Variants in ASB15 observed in about 807,000 individuals in gnomAD.
The protein encoded by ASB15 is ankyrin repeat and SOCS box protein 15.
A neutral mutation model predicts 58.0 loss-of-function variants in ASB15; 54 were observed. The ratio of observed to expected loss-of-function variants is 0.93; its 90% CI spans 0.75 to 1.17. ASB15 has a LOEUF of 1.17. Among genes scored for constraint, ASB15 ranks in the 50% most tolerant of loss-of-function variants. ASB15 has a pLI of 0.00. For missense variants in ASB15, 680 were observed against 707.4 expected, an observed-to-expected ratio of 0.96 and a Z score of 0.44; for synonymous variants, 249 against 262.4, an observed-to-expected ratio of 0.95 and a Z score of 0.50.
At chr7:123,607,961 A>T (rs996583513) in intron 2 of ASB15, among the ~76,000 whole-genome samples, 6 of 152,180 alleles carry the variant, frequency 3.9e-5, no homozygotes, top group Non-Finnish European at 5.9e-5. Context: ...TGAGTTTGTG[A>T]GTCTAAAGCT....
chr7:123,604,828 T>G (rs979655362), intron 2 of ASB15, among the ~76,000 whole-genome samples: 1 of 152,078 alleles, frequency 6.6e-6, no homozygotes, highest in Admixed American at 6.6e-5. Flanking sequence ...ACTAAAACTT[T>G]CAAAAAGTAC....
At chr7:123,621,132 G>C (rs914679073) in intron 7 of ASB15, among the ~76,000 whole-genome samples, 2 of 152,192 alleles carry the variant, frequency 1.3e-5, no homozygotes, top group East Asian at 1.9e-4. Flanking sequence ...GCCTACAACA[G>C]AGCAGTAAAC....
At chr7:123,633,805 T>C (rs1247383617) in intron 11 of ASB15, among the ~76,000 whole-genome samples, 4 of 152,146 alleles carry the variant, frequency 2.6e-5, no homozygotes, top group African/African-American at 9.7e-5. Flanking sequence ...AAATGGATGA[T>C]TGTATCTGGG....
At position 123,578,342 on chromosome 7, in the gene ASB15, T is replaced by C. The variant is rs1236942058; in HGVS notation, c.-443+11254T>C. Among the ~76,000 whole-genome samples the C allele has an allele frequency of 6.6e-5, 10 of 151,954 alleles. No homozygotes were observed. In the East Asian group the frequency reaches 1.4e-3, roughly 21 times the overall value. On this transcript the variant is annotated intron_variant, in intron 1 of 13. Coordinates refer to the ASB15 transcript ENST00000451558. ...AAATTACCAGCAGTATTCCTGTGAC[T>C]AGAACTCTGTTTTTTAGCCTCTAGG...
chr7:123,632,947 G>A (rs1416887925), intron 11 of ASB15, among the ~76,000 whole-genome samples: 5 of 152,138 alleles, frequency 3.3e-5, no homozygotes, highest in Non-Finnish European at 7.3e-5. Flanking sequence ...AAAAGACAAT[G>A]GAGTAACATA....
chr7:123,575,818 T>TTC (rs1584723697), intron 1 of ASB15, among the ~76,000 whole-genome samples: 1 of 148,534 alleles, frequency 6.7e-6, no homozygotes, highest in East Asian at 2.0e-4. Context: ...GAAGTTTTCT[T>TTC]TTTTTTTTTT....
chr7:123,620,552 ATATTTT>A (rs1801239599), intron 7 of ASB15, among the ~76,000 whole-genome samples: 1 of 15,386 alleles, frequency 6.5e-5, no homozygotes, highest in Non-Finnish European at 1.1e-4. Context: ...ATATATATAT[ATATTTT>A]TTTTTTTTTT....
rs533002954 is a variant in ASB15, at chr7:123,630,113, A to G, written c.1588A>G (p.Ile530Val). The stretch of plus-strand genomic sequence containing the variant: ...GAGAGAATGGCCAGAAATCCGCCAA[A>G]TACTAGGTAAAAACCAAAAGTTTTG... ...VQREWPEIRQILENPCSLKHL... is the reference protein window; with the variant it reads ...VQREWPEIRQVLENPCSLKHL... The change falls in exon 11 of 12, where the codon ATA becomes GTA. Residue 530 changes from isoleucine to valine, a missense_variant. Physicochemically the swap from Ile to Val is conservative, Grantham distance 29 (BLOSUM62 3). Transcript: ENST00000451215. The G allele has an allele frequency of 3.2e-6, 5 of 1,579,618 alleles. No homozygotes were observed. The highest frequency in any genetic ancestry group is 4.5e-5 in the East Asian group (2 of 44,418).
chr7:123,614,766 A>C (rs561108936), intron 4 of ASB15, among the ~76,000 whole-genome samples, 157 bp downstream of exon 4: 1 of 152,350 alleles, frequency 6.6e-6, no homozygotes, highest in South Asian at 2.1e-4. Flanking sequence ...ACTGTTCATA[A>C]GTTTTAGCAA....
intron 1 of ASB15, among the ~76,000 whole-genome samples, chr7:123,593,063 GTTTGT>G (rs1199317139): frequency 6.6e-6 from 1 of 151,850 alleles, no homozygotes; most frequent in Non-Finnish European, 1.5e-5. Flanking sequence ...TTGGTTTAAA[GTTTGT>G]TTTATCAGAG....
At chr7:123,607,063 A>T (rs1456376179) in intron 2 of ASB15, among the ~76,000 whole-genome samples, 2 of 152,216 alleles carry the variant, frequency 1.3e-5, no homozygotes, top group Non-Finnish European at 2.9e-5. Context: ...CCCAAAAAAG[A>T]TAAACTATGT....
chr7:123,588,519 T>C (rs540906915), intron 1 of ASB15, among the ~76,000 whole-genome samples: 104 of 151,690 alleles, frequency 6.9e-4, no homozygotes, highest in Middle Eastern at 3.4e-3. Flanking sequence ...GCTCTGATTT[T>C]CCTTTCTTTC....
upstream of ASB15, among the ~76,000 whole-genome samples, chr7:123,600,321 T>C (rs183808383): frequency 1.4e-3 from 207 of 152,340 alleles, 3 homozygotes; most frequent in Admixed American, 0.013. Flanking sequence ...TTAAATGTTG[T>C]ATGGTATAGG....
upstream of ASB15, among the ~76,000 whole-genome samples, chr7:123,600,983 A>G (rs1799856167): frequency 6.6e-6 from 1 of 152,186 alleles, no homozygotes; most frequent in Admixed American, 6.6e-5. Flanking sequence ...ATGAAAATGA[A>G]TATAAAATAT....
intron 2 of ASB15, among the ~76,000 whole-genome samples, chr7:123,607,334 A>G (rs1800197709): frequency 6.6e-6 from 1 of 152,192 alleles, no homozygotes; most frequent in Non-Finnish European, 1.5e-5. Flanking sequence ...ACTGTGTAGT[A>G]TTCCATTTTT....
rs1463285540 is a variant in ASB15 at position 123,614,732 on chromosome 7, G to A, written c.107+123G>A. ...AAATTGACCTTTCCTTTCTGATAGG[G>A]AATCTAACAGCTTTCCAAGGGCCAC... On this transcript the variant is annotated intron_variant, in intron 4 of 11. Transcript: ENST00000451215. 8 of 709,354 alleles carry A rather than the reference G, an allele frequency of 1.1e-5. No individual in the cohort carries two copies. In the East Asian group the frequency reaches 1.6e-4, roughly 14 times the overall value. 43.9% of individuals were successfully genotyped at this position (709,354 alleles called of 1,614,324 possible).
At position 123,624,694 on chromosome 7, in the gene ASB15, G is replaced by A. The variant is rs774349932; in HGVS notation, c.577G>A (p.Val193Ile). 7 of 1,614,154 alleles carry A rather than the reference G, an allele frequency of 4.3e-6. No homozygotes were observed. The highest frequency in any genetic ancestry group is 5.9e-6 in the Non-Finnish European group (7 of 1,180,032). ...EAAKQGRKDI[V>I]ALLLKHGGNV... ...AGCCAAGCAAGGCCGAAAAGATATC[G>A]TAGCTCTGCTGCTGAAACATGGAGG... is the stretch of plus-strand genomic sequence containing the variant. The change falls in exon 8 of 12, where the codon GTA (valine) becomes ATA (isoleucine). Residue 193 changes from valine to isoleucine, a missense_variant. Val to Ile is a conservative substitution (Grantham distance 29, BLOSUM62 3). Transcript: ENST00000451215.
At chr7:123,605,408 G>A (rs772942507) in intron 2 of ASB15, among the ~76,000 whole-genome samples, 1 of 152,152 alleles carries the variant, frequency 6.6e-6, no homozygotes, top group Non-Finnish European at 1.5e-5. Flanking sequence ...ATGTAACTTA[G>A]TTCGGCCACT....
At chr7:123,580,061 G>T (rs1333823149) in intron 1 of ASB15, among the ~76,000 whole-genome samples, 1 of 152,072 alleles carries the variant, frequency 6.6e-6, no homozygotes, top group African/African-American at 2.4e-5. Context: ...AGGAGGAAAA[G>T]AGATTGGCGG....
Sources: allele counts gnomAD v4.1 joint callset (sites outside exome capture counted in the v4.1 genomes callset), GRCh38; gene constraint gnomAD v4.1.1; transcripts MANE v1.5; gene names NCBI Gene and HGNC (gene_info 2026-07-23, HGNC 2026-07-21).